CNTN4: variants seen among roughly 807,000 people sequenced by gnomAD.
CNTN4 encodes contactin 4, also known as contactin-4.
A neutral mutation model predicts 122.5 loss-of-function variants in CNTN4; 77 were observed. The observed-to-expected ratio is 0.63, with a 90% CI of 0.52 to 0.76. The LOEUF is 0.76. Ranked by LOEUF, CNTN4 falls within the 30% of genes least tolerant of loss-of-function variation. The pLI is 0.00. For missense variants in CNTN4, 1,256 were observed against 1,259.1 expected (o/e 1.00, Z 0.04); for synonymous variants, 512 against 447.0 (o/e 1.15, Z -1.83).
At chr3:2,259,939 G>C (rs1401984850) in intron 2 of CNTN4, among the ~76,000 whole-genome samples, 1 of 152,100 alleles carries the variant, frequency 6.6e-6, no homozygotes, top group Non-Finnish European at 1.5e-5. Context: ...TGTGTCCACT[G>C]TTGATGAGAA....
intron 4 of CNTN4, among the ~76,000 whole-genome samples, chr3:2,575,854 C>A (rs577268894): frequency 1.4e-3 from 194 of 140,130 alleles, no homozygotes; most frequent in African/African-American, 5.3e-3. Flanking sequence ...GAGAGTCTGG[C>A]TCTGCTGCCC....
chr3:3,012,518 C>T (rs1273371888), intron 14 of CNTN4, among the ~76,000 whole-genome samples: 2 of 151,760 alleles, frequency 1.3e-5, no homozygotes, highest in Admixed American at 6.6e-5. Flanking sequence ...GGCGTGATCT[C>T]GGCTCACTGC....
chr3:2,918,312 G>C (rs991268558), intron 12 of CNTN4, among the ~76,000 whole-genome samples: 1 of 152,200 alleles, frequency 6.6e-6, no homozygotes, highest in Admixed American at 6.5e-5. Flanking sequence ...ATTTGAGCAA[G>C]TAAACTCAAG....
At chr3:2,965,299 T>G (rs1404771728) in intron 13 of CNTN4, among the ~76,000 whole-genome samples, 2 of 152,174 alleles carry the variant, frequency 1.3e-5, no homozygotes, top group East Asian at 3.8e-4. Flanking sequence ...TATTGTTTTG[T>G]GCTCCTCCTG....
chr3:2,748,798 CT>C (rs2089937255), intron 6 of CNTN4, among the ~76,000 whole-genome samples: 1 of 152,190 alleles, frequency 6.6e-6, no homozygotes, highest in South Asian at 2.1e-4. Context: ...CCAGAGTAAT[CT>C]TTTAAAAAAT....
chr3:3,050,640 G>A (rs1305162520), intron 23 of CNTN4, among the ~76,000 whole-genome samples: 2 of 151,650 alleles, frequency 1.3e-5, no homozygotes, highest in Non-Finnish European at 2.9e-5. Context: ...GCGCATGCCT[G>A]TAATGTTAGC....
intron 4 of CNTN4, among the ~76,000 whole-genome samples, chr3:2,654,651 T>G (rs960280906): frequency 5.3e-5 from 8 of 152,180 alleles, no homozygotes; most frequent in Non-Finnish European, 1.0e-4. Context: ...AGAATGTATC[T>G]TTGTTTAGAA....
At chr3:2,794,102 T>G (rs980778537) in intron 6 of CNTN4, among the ~76,000 whole-genome samples, 2 of 152,234 alleles carry the variant, frequency 1.3e-5, no homozygotes, top group African/African-American at 4.8e-5. Flanking sequence ...CATGCTTTCC[T>G]GTTCATTCAT....
chr3:2,535,134 C>G (rs2077751308), intron 3 of CNTN4, among the ~76,000 whole-genome samples: 1 of 152,094 alleles, frequency 6.6e-6, no homozygotes, highest in South Asian at 2.1e-4. Flanking sequence ...ATTTTGTCCT[C>G]TTTGCGTCTT....
At chr3:2,135,015 T>C (rs2034622784) in intron 2 of CNTN4, among the ~76,000 whole-genome samples, 1 of 152,158 alleles carries the variant, frequency 6.6e-6, no homozygotes, top group Admixed American at 6.5e-5. Flanking sequence ...AAATTGACCA[T>C]CACAGCCCCT....
intron 4 of CNTN4, among the ~76,000 whole-genome samples, chr3:2,576,558 T>C (rs2079696626): frequency 6.6e-6 from 1 of 151,466 alleles, no homozygotes; most frequent in Non-Finnish European, 1.5e-5. Flanking sequence ...TTTCTTTTTT[T>C]TTTTTTTGAG....
intron 6 of CNTN4, among the ~76,000 whole-genome samples, chr3:2,748,853 T>C (rs951430641): frequency 6.6e-6 from 1 of 152,226 alleles, no homozygotes; most frequent in African/African-American, 2.4e-5. Context: ...CCTTCTACTG[T>C]ACTTAGAATA....
At chr3:2,367,825 T>A (rs1310384628) in intron 3 of CNTN4, among the ~76,000 whole-genome samples, 2 of 151,950 alleles carry the variant, frequency 1.3e-5, no homozygotes, top group African/African-American at 4.8e-5. Flanking sequence ...AACTTTTTTT[T>A]CTCTGTAACC....
chr3:2,735,334 T>G (rs1469536160), intron 4 of CNTN4, among the ~76,000 whole-genome samples: 1 of 152,250 alleles, frequency 6.6e-6, no homozygotes, highest in East Asian at 1.9e-4. Context: ...GTGCATAGTC[T>G]AGAAGCATGT....
At chr3:2,718,561 G>C (rs1516385) in intron 4 of CNTN4, among the ~76,000 whole-genome samples, 66,449 of 151,966 alleles carry the variant, frequency 0.44, 16,986 homozygotes, top group African/African-American at 0.7. Flanking sequence ...TTCACTTAAT[G>C]TTTTTATGGC....
intron 3 of CNTN4, among the ~76,000 whole-genome samples, chr3:2,355,437 G>A (rs2044827253): frequency 6.6e-6 from 1 of 152,134 alleles, no homozygotes; most frequent in Admixed American, 6.5e-5. Flanking sequence ...GTCCAAACAA[G>A]AATTTAGTTT....
At position 3,053,892 on chromosome 3, in the gene CNTN4, A is replaced by AAGATTATATAAT; in HGVS notation, c.2901_2912dup (p.Asp967_Ile970dup). ...GTGGAGCTTTCTTTGCCTTTCGATGAAGATTATATAATAGAAATTAAGCCA... is the reference window on the plus strand; with the variant it reads ...GTGGAGCTTTCTTTGCCTTTCGATGAAGATTATATAATAGATTATATAATAGAAATTAAGCCA... On this transcript the variant is annotated inframe_insertion, in exon 24 of 25. Coordinates refer to ENST00000418658, the MANE Select transcript of CNTN4 (RefSeq NM_175607.3). The AAGATTATATAAT allele has an allele frequency of 6.2e-7, 1 of 1,614,178 alleles. No individual in the cohort carries two copies. The highest frequency in any genetic ancestry group is 8.5e-7 in the Non-Finnish European group (1 of 1,180,000).
chr3:2,955,225 A>C (rs899079771), intron 13 of CNTN4, among the ~76,000 whole-genome samples: 1 of 152,230 alleles, frequency 6.6e-6, no homozygotes, highest in Non-Finnish European at 1.5e-5. Flanking sequence ...GAGCAAGATT[A>C]GATGCAAAAT....
chr3:2,543,884 G>T (rs528738414), intron 3 of CNTN4, among the ~76,000 whole-genome samples: 2 of 152,050 alleles, frequency 1.3e-5, no homozygotes, highest in African/African-American at 4.8e-5. Flanking sequence ...TTTCCACACA[G>T]TGGACTTTTA....
Sources: gnomAD v4.1 joint callset for allele counts (sites outside exome capture counted in the v4.1 genomes callset) on GRCh38, gnomAD v4.1.1 for gene constraint, MANE v1.5 for transcripts, NCBI Gene and HGNC (gene_info 2026-07-23, HGNC 2026-07-21) for gene names.